The following VPS53 variants were observed in gnomAD, a reference collection of about 807,000 sequenced individuals.
VPS53 encodes the protein VPS53 subunit of GARP complex.
In VPS53, 70 loss-of-function variants were observed where a neutral mutation model predicts 107.0. The ratio of observed to expected loss-of-function variants is 0.65; its 90% CI spans 0.54 to 0.80. The LOEUF (loss-of-function observed/expected upper bound fraction) is 0.80, where lower values mean the gene tolerates loss of function less well. Ranked by LOEUF, VPS53 falls within the 30% of genes least tolerant of loss-of-function variation. The pLI, the probability that VPS53 is intolerant of heterozygous loss-of-function variation, is 0.00. For missense variants in VPS53, 917 were observed against 1,049.4 expected (o/e 0.87, Z 1.74); for synonymous variants, 409 against 393.3 (o/e 1.04, Z -0.47).
At chr17:619,316 C>T (rs1396963202) in intron 11 of VPS53, among the ~76,000 whole-genome samples, 8 of 146,582 alleles carry the variant, frequency 5.5e-5, no homozygotes, top group Admixed American at 6.8e-5. Context: ...GGACTACAGG[C>T]GCGCACCACC....
chr17:539,342 C>A (rs959749943), intron 17 of VPS53: 5 of 152,116 alleles, frequency 3.3e-5, no homozygotes, highest in African/African-American at 1.2e-4. Flanking sequence ...TGATCACTGG[C>A]CAAGTCAGTA....
Position 517,253 on chromosome 17 carries a change from C to A in VPS53, c.*1875G>T, listed in dbSNP as rs1055869102. ...CTCCTTCTCGCAACACTTCTTTTCT[C>A]CTCCGCATTCTCAAATTTGAGACGC... On this transcript the variant is annotated 3_prime_UTR_variant, in exon 22 of 22. Coordinates refer to ENST00000437048, the MANE Select transcript of VPS53 (RefSeq NM_001128159.3). 2.6e-6 allele frequency: 1 copy of A among 390,686 alleles called. No individual in the cohort carries two copies. The highest frequency in any genetic ancestry group is 1.4e-4 in the South Asian group (1 of 6,962). 24.2% of individuals were successfully genotyped at this position (390,686 alleles called of 1,614,324 possible).
intron 7 of VPS53, among the ~76,000 whole-genome samples, chr17:652,641 C>T (rs78706143): frequency 0.01 from 1,569 of 152,304 alleles, 21 homozygotes; most frequent in African/African-American, 0.036. Context: ...ATTCTCCAGT[C>T]CCCTCCTGAG....
At chr17:663,261 A>G (rs954602029) in intron 4 of VPS53, among the ~76,000 whole-genome samples, 6 of 152,170 alleles carry the variant, frequency 3.9e-5, no homozygotes, top group African/African-American at 1.4e-4. Flanking sequence ...AAAAACCTAC[A>G]AGGACAGATG....
intron 11 of VPS53, among the ~76,000 whole-genome samples, chr17:607,069 C>T (rs1457897736): frequency 6.6e-6 from 1 of 152,152 alleles, no homozygotes; most frequent in Non-Finnish European, 1.5e-5. Flanking sequence ...GCTTAACATG[C>T]TGTCTGGCAC....
chr17:592,549 T>G (rs1433688413), intron 12 of VPS53, among the ~76,000 whole-genome samples: 1 of 152,188 alleles, frequency 6.6e-6, no homozygotes, highest in Non-Finnish European at 1.5e-5. Context: ...TTTCCATGTT[T>G]AGCGCTTCCT....
At chr17:656,701 TG>T (rs1971202332) in intron 5 of VPS53, 1 of 9,460 alleles carries the variant, frequency 1.1e-4, no homozygotes. Context: ...GACTAAGAAA[TG>T]TGTGTGTGTG....
intron 13 of VPS53, 71 bp downstream of exon 13, chr17:586,199 G>A (rs1967302822): frequency 1.1e-5 from 15 of 1,416,000 alleles, no homozygotes; most frequent in Middle Eastern, 3.5e-4. Flanking sequence ...GGAGCTGTGC[G>A]CTCCTAAGAC....
At chr17:709,664 G>A (rs543643397) in intron 2 of VPS53, among the ~76,000 whole-genome samples, 3 of 152,168 alleles carry the variant, frequency 2.0e-5, no homozygotes, top group East Asian at 3.9e-4. Flanking sequence ...CACATGACAG[G>A]CACCTACTGA....
In VPS53 at chr17:662,841, GGA is replaced by G. The variant is rs1971518293; in HGVS notation, c.286-948_286-947del. Among the ~76,000 whole-genome samples, 8 of 91,176 alleles carry G rather than the reference GGA, an allele frequency of 8.8e-5. No homozygotes were observed. In the East Asian group the frequency reaches 2.0e-3, roughly 22 times the overall value. 59.8% of individuals were successfully genotyped at this position (91,176 alleles called of 152,430 possible). A position where few individuals can be genotyped will look rare whatever the true frequency, so the allele number is the denominator to read the frequency against. On this transcript the variant is annotated intron_variant, in intron 4 of 21. Coordinates refer to ENST00000437048, the MANE Select transcript of VPS53 (RefSeq NM_001128159.3). ...AGAAAGAGAAAGAGAAAGAAAGGAA[GGA>G]AGGAAGGAAGGAAGGAAGGAAGGAA...
At position 517,343 on chromosome 17, in the gene VPS53, A is replaced by T. The variant is rs1440318008; in HGVS notation, c.*1785T>A. 2.5e-6 allele frequency: 1 copy of T among 398,156 alleles called. No individual in the cohort carries two copies. The highest frequency in any genetic ancestry group is 4.4e-6 in the Non-Finnish European group (1 of 225,720). 24.7% of individuals were successfully genotyped at this position (398,156 alleles called of 1,614,324 possible). ...GGAAGCCGATGAAGAAATGACACTCAGGATCAGAGCTGGACGGCATCGGGG... is the reference window on the plus strand; with the variant it reads ...GGAAGCCGATGAAGAAATGACACTCTGGATCAGAGCTGGACGGCATCGGGG... On this transcript the variant is annotated 3_prime_UTR_variant, in exon 22 of 22. Transcript: ENST00000437048.
chr17:654,594 G>A (rs955448891), intron 6 of VPS53, among the ~76,000 whole-genome samples: 4 of 151,764 alleles, frequency 2.6e-5, no homozygotes, highest in African/African-American at 7.2e-5. Context: ...AAAATTAACC[G>A]GGCTTAGTGG....
At chr17:641,759 T>A (rs1430477444) in intron 7 of VPS53, among the ~76,000 whole-genome samples, 3 of 152,210 alleles carry the variant, frequency 2.0e-5, no homozygotes, top group Non-Finnish European at 4.4e-5. Flanking sequence ...CCAACTGATT[T>A]CCTAGCCATT....
intron 4 of VPS53, among the ~76,000 whole-genome samples, chr17:669,467 C>G (rs1038608146): frequency 1.3e-5 from 2 of 152,026 alleles, no homozygotes; most frequent in East Asian, 3.9e-4. Context: ...CTAGTACATG[C>G]CTATAGTTCC....
In VPS53 at chr17:667,466, G is replaced by A. The variant is rs1971742905; in HGVS notation, c.286-5571C>T. 2.7e-5 allele frequency among the ~76,000 whole-genome samples: 4 copies of A among 145,982 alleles called. No homozygotes were observed. The Admixed American group carries it at 2.8e-4, about 10-fold the overall frequency. The stretch of plus-strand genomic sequence containing the variant: ...TTGGGGGGGCAATGGGTTAATTACA[G>A]AAGAGGACTGTTTTAAACATAATGT... On this transcript the variant is annotated intron_variant, in intron 4 of 21. Transcript: ENST00000437048.
chr17:553,485 G>A (rs765210440), intron 15 of VPS53, 23 bp from the exon 16 acceptor site: 7 of 1,553,398 alleles, frequency 4.5e-6, no homozygotes, highest in Non-Finnish European at 5.3e-6. Context: ...AGAAGAAATG[G>A]ATGCACGGTT....
At chr17:679,792 A>G (rs1972318263) in intron 4 of VPS53, among the ~76,000 whole-genome samples, 1 of 152,272 alleles carries the variant, frequency 6.6e-6, no homozygotes, top group African/African-American at 2.4e-5. Flanking sequence ...TCTCTGAAAC[A>G]GTTTACTATT....
At chr17:604,875 G>C (rs1300289163) in intron 11 of VPS53, among the ~76,000 whole-genome samples, 2 of 152,186 alleles carry the variant, frequency 1.3e-5, no homozygotes, top group African/African-American at 4.8e-5. Context: ...ACTCAACAAA[G>C]GGATATGCTT....
At chr17:567,165 G>T (rs1402647849) in intron 13 of VPS53, among the ~76,000 whole-genome samples, 3 of 152,144 alleles carry the variant, frequency 2.0e-5, no homozygotes, top group African/African-American at 7.2e-5. Flanking sequence ...CTATTTCAGA[G>T]CCACCCCAAT....
Sources: gnomAD v4.1 joint callset for allele counts (sites outside exome capture counted in the v4.1 genomes callset) on GRCh38, gnomAD v4.1.1 for gene constraint, MANE v1.5 for transcripts, NCBI Gene and HGNC (gene_info 2026-07-23, HGNC 2026-07-21) for gene names.